The following SRGAP2 variants were observed in gnomAD, a reference collection of about 807,000 sequenced individuals.
SRGAP2 encodes the protein SLIT-ROBO Rho GTPase activating protein 2.
SRGAP2 carries 15 observed loss-of-function variants against 57.2 expected under a neutral mutation model. The observed-to-expected ratio is 0.26, with a 90% CI of 0.18 to 0.40. The LOEUF is 0.40. SRGAP2 is among the 10% of genes least tolerant of loss of function. The pLI is 1.00. For missense variants in SRGAP2, 520 were observed against 669.6 expected (o/e 0.78, Z 2.47); for synonymous variants, 249 against 248.0 (o/e 1.00, Z -0.04).
At chr1:206,216,824 G>A (rs1220743174) in intron 2 of SRGAP2, among the ~76,000 whole-genome samples, 7 of 87,102 alleles carry the variant, frequency 8.0e-5, no homozygotes. Context: ...TTGTTTGTTT[G>A]TTTTTCTTAA....
intron 3 of SRGAP2, among the ~76,000 whole-genome samples, chr1:206,307,240 C>T (rs1672279850): frequency 6.6e-6 from 1 of 152,186 alleles, no homozygotes; most frequent in Admixed American, 6.5e-5. Flanking sequence ...TCTCCACGTC[C>T]TCACTAGAGC....
chr1:206,432,389 G>T (rs1661349973), intron 14 of SRGAP2, among the ~76,000 whole-genome samples: 1 of 152,198 alleles, frequency 6.6e-6, no homozygotes, highest in Non-Finnish European at 1.5e-5. Context: ...AACTTCATAT[G>T]CACTTACGAT....
intron 10 of SRGAP2, among the ~76,000 whole-genome samples, chr1:206,412,824 G>A (rs1659335097): frequency 6.6e-6 from 1 of 152,166 alleles, no homozygotes; most frequent in South Asian, 2.1e-4. Context: ...CTGACTTGTG[G>A]GTGGGATAGG....
At chr1:206,448,399 G>GGTCT (rs1662954940) in intron 18 of SRGAP2, among the ~76,000 whole-genome samples, 1 of 152,122 alleles carries the variant, frequency 6.6e-6, no homozygotes, top group South Asian at 2.1e-4. Flanking sequence ...GGTATTTTTG[G>GGTCT]GTCTGGTGGG....
chr1:206,204,915 C>CG (rs1361380842), intron 1 of SRGAP2: 8 of 138,354 alleles, frequency 5.8e-5, no homozygotes. Context: ...TTGCCCCCCC[C>CG]CCCATCAACA....
chr1:206,340,269 C>T (rs1675082193), intron 3 of SRGAP2, among the ~76,000 whole-genome samples: 2 of 121,912 alleles, frequency 1.6e-5, no homozygotes, highest in Non-Finnish European at 3.3e-5. Flanking sequence ...TCCTCTGCTT[C>T]CTTTTGATCT....
intron 4 of SRGAP2, among the ~76,000 whole-genome samples, chr1:206,383,033 C>CT (rs1454334961): frequency 4.9e-5 from 7 of 143,918 alleles, no homozygotes; most frequent in East Asian, 2.0e-4. Flanking sequence ...CTTTTCTTTT[C>CT]TTTTTTTTGA....
chr1:206,423,706 C>A (rs1414415772), intron 13 of SRGAP2, among the ~76,000 whole-genome samples: 1 of 150,824 alleles, frequency 6.6e-6, no homozygotes, highest in East Asian at 1.9e-4. Flanking sequence ...CTAACAAAAA[C>A]TCTAACCCTC....
chr1:206,428,301 C>T (rs886278297), intron 13 of SRGAP2, among the ~76,000 whole-genome samples: 1 of 151,296 alleles, frequency 6.6e-6, no homozygotes, highest in South Asian at 2.1e-4. Context: ...CCTGTATTCC[C>T]AGCTACTCGG....
At chr1:206,260,324 C>T (rs1553313276) in intron 2 of SRGAP2, among the ~76,000 whole-genome samples, 3 of 144,838 alleles carry the variant, frequency 2.1e-5, no homozygotes, top group African/African-American at 2.6e-5. Context: ...CCAAAGTGGA[C>T]GAAATGGAGC....
chr1:206,377,377 A>G (rs1282943946), intron 4 of SRGAP2, among the ~76,000 whole-genome samples: 78 of 151,616 alleles, frequency 5.1e-4, no homozygotes, highest in African/African-American at 1.9e-3. Flanking sequence ...AGTCACTAAT[A>G]CTGAAGCTGG....
At chr1:206,425,229 A>G (rs782694439) in intron 13 of SRGAP2, among the ~76,000 whole-genome samples, 6 of 152,172 alleles carry the variant, frequency 3.9e-5, no homozygotes, top group Non-Finnish European at 5.9e-5. Context: ...TGCTGCTACT[A>G]TTTTTTAATA....
chr1:206,442,534 A>G (rs1553372377), intron 17 of SRGAP2, among the ~76,000 whole-genome samples: 1 of 152,186 alleles, frequency 6.6e-6, no homozygotes, highest in Non-Finnish European at 1.5e-5. Flanking sequence ...AGTGGGGAGA[A>G]ACAATAGAAT....
At chr1:206,327,168 A>T (rs2102858072) in intron 3 of SRGAP2, among the ~76,000 whole-genome samples, 1 of 152,248 alleles carries the variant, frequency 6.6e-6, no homozygotes, top group South Asian at 2.1e-4. Flanking sequence ...CTCTACTAAA[A>T]AACACAAAAT....
At chr1:206,226,673 T>A (rs1667291236) in intron 2 of SRGAP2, among the ~76,000 whole-genome samples, 1 of 152,056 alleles carries the variant, frequency 6.6e-6, no homozygotes, top group African/African-American at 2.4e-5. Context: ...TAAGATTTTA[T>A]TTGCTGCAAC....
intron 3 of SRGAP2, among the ~76,000 whole-genome samples, chr1:206,324,446 T>C (rs1553329059): frequency 6.6e-6 from 1 of 152,262 alleles, no homozygotes; most frequent in East Asian, 1.9e-4. Context: ...CTTATGTCCT[T>C]ATGTCCTTTT....
At chr1:206,442,649 G>T (rs539321136) in intron 17 of SRGAP2, among the ~76,000 whole-genome samples, 8 of 152,224 alleles carry the variant, frequency 5.3e-5, no homozygotes, top group East Asian at 1.9e-4. Context: ...CTTTTATTGG[G>T]TTTTTTTCTG....
At chr1:206,355,470 G>A (rs1676361942) in intron 4 of SRGAP2, among the ~76,000 whole-genome samples, 1 of 151,914 alleles carries the variant, frequency 6.6e-6, no homozygotes, top group South Asian at 2.1e-4. Flanking sequence ...CTAGAATAGG[G>A]CTGTGATAGT....
intron 21 of SRGAP2, among the ~76,000 whole-genome samples, chr1:206,457,536 A>G (rs1379533780): frequency 6.6e-6 from 1 of 152,202 alleles, no homozygotes; most frequent in African/African-American, 2.4e-5. Flanking sequence ...AGGGCCTTAG[A>G]AGACTCTGAG....
Sources: gnomAD v4.1 joint callset for allele counts (sites outside exome capture counted in the v4.1 genomes callset) on GRCh38, gnomAD v4.1.1 for gene constraint, MANE v1.5 for transcripts, NCBI Gene and HGNC (gene_info 2026-07-23, HGNC 2026-07-21) for gene names.